The following NLRP5 variants were observed in gnomAD, a reference collection of about 807,000 sequenced individuals.
The protein encoded by NLRP5 is NACHT, LRR and PYD domains-containing protein 5.
NLRP5 carries 93 observed loss-of-function variants against 113.1 expected under a neutral mutation model. The observed-to-expected ratio is 0.82, with a 90% CI of 0.70 to 0.98. The LOEUF is 0.98. Ranked by LOEUF, NLRP5 falls within the 50% of genes least tolerant of loss-of-function variation. NLRP5 has a pLI of 0.00. For missense variants in NLRP5, 1,808 were observed against 1,514.3 expected, an observed-to-expected ratio of 1.19 and a Z score of -3.22; for synonymous variants, 751 against 600.7, an observed-to-expected ratio of 1.25 and a Z score of -3.66.
intron 2 of NLRP5, among the ~76,000 whole-genome samples, chr19:56,008,298 G>T (rs970781986): frequency 2.6e-5 from 4 of 152,066 alleles, no homozygotes; most frequent in African/African-American, 7.2e-5. Context: ...CAAGTTTCTG[G>T]CATGATAAAC....
intron 14 of NLRP5, 63 bp from the exon 15 acceptor site, chr19:56,061,333 T>G: frequency 6.4e-7 from 1 of 1,569,080 alleles, no homozygotes; most frequent in Admixed American, 1.9e-5. Context: ...ACCAGGAATT[T>G]TGAAGAAGGG....
chr19:55,986,915 C>A, the NLRP5 span, among the ~76,000 whole-genome samples: 1 of 152,186 alleles, frequency 6.6e-6, no homozygotes, highest in African/African-American at 2.4e-5. Flanking sequence ...GGTGCCCCCA[C>A]CCTCTCCCTT....
chr19:56,016,867 G>A (rs1382852835), intron 4 of NLRP5, among the ~76,000 whole-genome samples: 2 of 152,132 alleles, frequency 1.3e-5, no homozygotes, highest in Non-Finnish European at 2.9e-5. Flanking sequence ...GGGGTGCAGT[G>A]GCGCGATCTC....
Position 56,055,719 on chromosome 19 carries a change from G to A in NLRP5, c.3299+1911G>A, listed in dbSNP as rs542797845. On this transcript the variant is annotated intron_variant, in intron 13 of 14. Transcript: ENST00000390649. ...CGCCACCACGCCCGGCTAATTTTTT[G>A]TATTTTTAGTAGAGACGGGGTTTCA... Among the ~76,000 whole-genome samples, 18 of 151,108 alleles carry A rather than the reference G, an allele frequency of 1.2e-4. 1 individual carries two copies. The South Asian group carries it at 3.6e-3, about 30-fold the overall frequency.
intron 11 of NLRP5, among the ~76,000 whole-genome samples, chr19:56,049,267 C>G (rs1156701756): frequency 1.3e-5 from 2 of 151,914 alleles, no homozygotes; most frequent in African/African-American, 4.8e-5. Context: ...GCAACCTTTG[C>G]CTCCTGGGTT....
upstream of NLRP5, among the ~76,000 whole-genome samples, chr19:55,999,039 C>A (rs1230268755): frequency 1.3e-5 from 2 of 151,668 alleles, no homozygotes; most frequent in African/African-American, 4.8e-5. Context: ...CAGGGGATCC[C>A]TAAAACTCAT....
intron 5 of NLRP5, 34 bp downstream of exon 5, chr19:56,019,432 C>T (rs764444112): frequency 8.7e-6 from 14 of 1,603,710 alleles, no homozygotes; most frequent in Non-Finnish European, 7.7e-6. Context: ...TGGTTGCCCT[C>T]CTGGAAGAAA....
chr19:55,998,732 G>A (rs138466898), upstream of NLRP5, among the ~76,000 whole-genome samples: 7,255 of 134,908 alleles, frequency 0.054, 461 homozygotes, highest in African/African-American at 0.087. Flanking sequence ...ATATATATGT[G>A]TATATATATA....
intron 6 of NLRP5, among the ~76,000 whole-genome samples, chr19:56,021,912 G>A (rs528029210): frequency 2.0e-5 from 3 of 152,276 alleles, no homozygotes; most frequent in African/African-American, 7.2e-5. Flanking sequence ...CCTTTCTTCT[G>A]GAACGATCTG....
At chr19:56,002,192 C>A (rs1981680919) in intron 1 of NLRP5, among the ~76,000 whole-genome samples, 1 of 152,138 alleles carries the variant, frequency 6.6e-6, no homozygotes. Context: ...GCTCATTAGC[C>A]ATTTGCATAG....
At chr19:55,987,913 G>T in the NLRP5 span, 24 of 1,609,372 alleles carry the variant, frequency 1.5e-5, no homozygotes, top group East Asian at 8.9e-5. Flanking sequence ...TTAATCCTTA[G>T]GCCGTCCAGT....
chr19:56,001,950 CTATT>C (rs544139309), intron 1 of NLRP5, among the ~76,000 whole-genome samples: 3 of 152,104 alleles, frequency 2.0e-5, no homozygotes, highest in Admixed American at 6.6e-5. Flanking sequence ...CTGGCTGTCA[CTATT>C]TATAGGGCTC....
chr19:56,054,830 C>T (rs1207875477), intron 13 of NLRP5, among the ~76,000 whole-genome samples: 1 of 151,988 alleles, frequency 6.6e-6, no homozygotes, highest in East Asian at 1.9e-4. Flanking sequence ...GCAGAGGTGG[C>T]TGCAGCGCAC....
At position 56,008,711 on chromosome 19, in the gene NLRP5, C is replaced by T. The variant is rs531880096; in HGVS notation, c.443-77C>T. ...TTGGTTCCCCTCCATAATTTGGACA[C>T]GGGACATTCTTATCCTTGGCTTGGG... On this transcript the variant is annotated intron_variant, in intron 2 of 14. Coordinates refer to ENST00000390649, the MANE Select transcript of NLRP5 (RefSeq NM_153447.4). 1.3e-4 allele frequency: 165 copies of T among 1,286,248 alleles called. 1 individual carries two copies. The Middle Eastern group carries it at 1.5e-3, about 11-fold the overall frequency. The allele number at this position is 1,286,248 out of a possible 1,614,324, so 79.7% of individuals were successfully genotyped here.
Position 56,032,593 on chromosome 19 carries a change from C to G in NLRP5, c.2277-18C>G, listed in dbSNP as rs372999022. On this transcript the variant is annotated intron_variant, in intron 7 of 14. Transcript: ENST00000390649. ...AACTCCATCCCATGAGCCCATGTTT[C>G]TATCCCCCCTGACATAGGATGCGGG... The G allele has an allele frequency of 8.1e-6, 13 of 1,604,028 alleles. No individual in the cohort carries two copies. Among genetic ancestry groups the G allele is most frequent in the African/African-American group, 1.3e-5 (1 of 74,770 alleles).
chr19:55,987,386 C>T, the NLRP5 span, among the ~76,000 whole-genome samples: 1 of 152,158 alleles, frequency 6.6e-6, no homozygotes, highest in African/African-American at 2.4e-5. Flanking sequence ...AAATTAAGTA[C>T]AGAGTAGGGG....
Position 56,058,403 on chromosome 19 carries a change from A to G in NLRP5, c.3463A>G (p.Ile1155Val). 1.2e-6 allele frequency: 2 copies of G among 1,612,208 alleles called. No homozygotes were observed. The highest frequency in any genetic ancestry group is 2.2e-5 in the South Asian group (2 of 90,782). Reference sequence around the variant, plus strand: ...TGCCTGTCCCACGTCTAACTTACAGATAATTGGGTAAGTCGCCAGCAATTG... The same window carrying G: ...TGCCTGTCCCACGTCTAACTTACAGGTAATTGGGTAAGTCGCCAGCAATTG... Residue 1155 changes from isoleucine (I) to valine (V), a missense_variant, in exon 14 of 15, where the codon ATA (isoleucine) becomes GTA (valine). Transcript: ENST00000390649.
chr19:56,007,894 TGCGCGC>T (rs1354380730), intron 2 of NLRP5, among the ~76,000 whole-genome samples: 9 of 26,238 alleles, frequency 3.4e-4, no homozygotes, highest in African/African-American at 6.0e-4. Context: ...TGTGTGCGCG[TGCGCGC>T]GTGCGTGTGT....
At chr19:56,000,391 G>A (rs938797405) in intron 1 of NLRP5, among the ~76,000 whole-genome samples, 1 of 151,992 alleles carries the variant, frequency 6.6e-6, no homozygotes, top group Admixed American at 6.6e-5. Flanking sequence ...TTAAGACAGA[G>A]TCTCATTCTG....
Sources: allele counts gnomAD v4.1 joint callset (sites outside exome capture counted in the v4.1 genomes callset), GRCh38; gene constraint gnomAD v4.1.1; transcripts MANE v1.5; gene names NCBI Gene and HGNC (gene_info 2026-07-23, HGNC 2026-07-21).